IRF2: variants seen among roughly 807,000 people sequenced by gnomAD.
IRF2 encodes the protein interferon regulatory factor 2.
Under a neutral mutation model 40.6 loss-of-function variants are expected in IRF2, and 15 were observed. That is an observed-to-expected ratio of 0.37 (90% CI 0.25 to 0.57). IRF2 has a LOEUF of 0.57. Among genes scored for constraint, IRF2 ranks in the 20% least tolerant of loss-of-function variants. IRF2 has a pLI of 0.77. For synonymous variants in IRF2, 151 were observed against 165.5 expected (o/e 0.91, Z 0.67); for missense variants, 317 against 455.7 (o/e 0.70, Z 2.77).
intron 1 of IRF2, among the ~76,000 whole-genome samples, chr4:184,442,513 T>C (rs1174553727): frequency 6.6e-6 from 1 of 152,140 alleles, no homozygotes; most frequent in African/African-American, 2.4e-5. Flanking sequence ...CATAACCGAT[T>C]AACCTGAAGA....
intron 1 of IRF2, among the ~76,000 whole-genome samples, chr4:184,451,921 CA>C (rs1192044266): frequency 1.3e-5 from 2 of 152,212 alleles, no homozygotes; most frequent in African/African-American, 2.4e-5. Flanking sequence ...GATAAGTTAG[CA>C]GCTGTCTGGG....
At chr4:184,422,768 A>G (rs1737527793) in intron 2 of IRF2, among the ~76,000 whole-genome samples, 1 of 152,204 alleles carries the variant, frequency 6.6e-6, no homozygotes, top group Non-Finnish European at 1.5e-5. Context: ...AGATCCATAG[A>G]GACAGAGAGC....
intron 3 of IRF2, 61 bp from the exon 4 acceptor site, chr4:184,418,769 T>C: frequency 1.4e-6 from 2 of 1,422,658 alleles, no homozygotes; most frequent in Non-Finnish European, 1.9e-6. Flanking sequence ...AGGAAGGAAT[T>C]TCTGGAAACA....
At chr4:184,434,164 C>T (rs904825864) in intron 1 of IRF2, among the ~76,000 whole-genome samples, 3 of 152,192 alleles carry the variant, frequency 2.0e-5, no homozygotes, top group Admixed American at 6.5e-5. Flanking sequence ...ACGTGAACCT[C>T]GAACAGAGTT....
chr4:184,463,625 A>G (rs1252526709), intron 1 of IRF2, among the ~76,000 whole-genome samples: 1 of 152,104 alleles, frequency 6.6e-6, no homozygotes. Flanking sequence ...CTCACATTAT[A>G]TTTGTATTGG....
At chr4:184,462,700 G>A (rs1203780439) in intron 1 of IRF2, among the ~76,000 whole-genome samples, 1 of 152,168 alleles carries the variant, frequency 6.6e-6, no homozygotes, top group Non-Finnish European at 1.5e-5. Context: ...TAAAGGTCTG[G>A]ATACAAAGGA....
intron 1 of IRF2, among the ~76,000 whole-genome samples, chr4:184,435,449 A>G (rs1349705601): frequency 2.6e-5 from 4 of 152,214 alleles, no homozygotes; most frequent in Non-Finnish European, 5.9e-5. Flanking sequence ...GCTTCTGGTA[A>G]TGGTACAGTA....
chr4:184,415,363 T>C (rs1465398508), intron 5 of IRF2, among the ~76,000 whole-genome samples: 1 of 152,154 alleles, frequency 6.6e-6, no homozygotes, highest in African/African-American at 2.4e-5. Context: ...CCTAACGGGA[T>C]CTCTCACTTA....
intron 1 of IRF2, among the ~76,000 whole-genome samples, chr4:184,462,108 C>G (rs970854001): frequency 6.6e-6 from 1 of 152,214 alleles, no homozygotes; most frequent in Non-Finnish European, 1.5e-5. Flanking sequence ...ACCTTCAGGA[C>G]TATTATTTTA....
chr4:184,457,046 C>A (rs1738967596), intron 1 of IRF2, among the ~76,000 whole-genome samples: 1 of 152,206 alleles, frequency 6.6e-6, no homozygotes, highest in African/African-American at 2.4e-5. Flanking sequence ...GTAGCTGCGT[C>A]GGATGAAGAG....
chr4:184,439,454 T>G (rs976898746), intron 1 of IRF2, among the ~76,000 whole-genome samples: 2 of 151,956 alleles, frequency 1.3e-5, no homozygotes, highest in East Asian at 3.8e-4. Flanking sequence ...TGAAAATCAC[T>G]GTTATTTAGT....
At chr4:184,397,828 T>C (rs2149892747) in intron 7 of IRF2, among the ~76,000 whole-genome samples, 1 of 152,330 alleles carries the variant, frequency 6.6e-6, no homozygotes, top group East Asian at 1.9e-4. Context: ...TTACAATTGA[T>C]TTCCACAAAA....
At chr4:184,409,602 G>A (rs538628993) in intron 5 of IRF2, among the ~76,000 whole-genome samples, 2 of 152,248 alleles carry the variant, frequency 1.3e-5, no homozygotes, top group South Asian at 4.1e-4. Context: ...TAAGAAGTCT[G>A]CCTTTTCTTG....
chr4:184,431,790 T>C (rs1737889625), intron 1 of IRF2, among the ~76,000 whole-genome samples: 3 of 119,544 alleles, frequency 2.5e-5, no homozygotes, highest in African/African-American at 8.1e-5. Flanking sequence ...CGTGTGGAAG[T>C]GGCCCTGCCT....
chr4:184,401,519 G>A (rs558240058), intron 6 of IRF2, among the ~76,000 whole-genome samples: 1 of 152,276 alleles, frequency 6.6e-6, no homozygotes, highest in Non-Finnish European at 1.5e-5. Context: ...AGACTCCCAA[G>A]CCCATTTATT....
At chr4:184,429,103 G>A (rs1362032626) in intron 1 of IRF2, 33 bp from the exon 2 acceptor site, 5 of 1,542,848 alleles carry the variant, frequency 3.2e-6, no homozygotes, top group East Asian at 2.2e-5. Context: ...TCAGGCGTTG[G>A]TGCCACTCAG....
chr4:184,408,283 GAAGAA>G lies in IRF2; in HGVS notation c.412-13_412-9del, dbSNP rs1561091408. 1 of 1,529,264 alleles carries G rather than the reference GAAGAA, an allele frequency of 6.5e-7. No homozygotes were observed. 94.7% of individuals were successfully genotyped at this position (1,529,264 alleles called of 1,614,324 possible). A position where few individuals can be genotyped will look rare whatever the true frequency, so the allele number is the denominator to read the frequency against. ...TGACTCAACTGGTTCTTGCTAGGAA[GAAGAA>G]AAGAAAAAAGAATTGAGAACACTTC... On this transcript the variant is annotated splice_polypyrimidine_tract_variant and intron_variant, in intron 5 of 8. Coordinates refer to ENST00000393593, the MANE Select transcript of IRF2 (RefSeq NM_002199.4). The surrounding 1 kb of genome is among the most constrained non-coding windows in gnomAD (Gnocchi z 4.9).
chr4:184,470,219 T>C (rs1739466821), intron 1 of IRF2, among the ~76,000 whole-genome samples: 3 of 152,206 alleles, frequency 2.0e-5, no homozygotes, highest in Non-Finnish European at 4.4e-5. Flanking sequence ...AGAACTAATT[T>C]TTACTAATAA....
Position 184,391,157 on chromosome 4 carries a change from A to C in IRF2, c.695-408T>G, listed in dbSNP as rs575074609. 5.7e-4 allele frequency among the ~76,000 whole-genome samples: 87 copies of C among 151,918 alleles called. 1 individual carries two copies. The highest frequency in any genetic ancestry group is 9.3e-4 in the Non-Finnish European group (63 of 67,960). On this transcript the variant is annotated intron_variant, in intron 7 of 8. Coordinates refer to ENST00000393593, the MANE Select transcript of IRF2 (RefSeq NM_002199.4). ...GGTCTTCCTACATTATCCCCATCCC[A>C]CTCAGATCCTTCCTTTACCTCTCAC...
Sources: allele counts gnomAD v4.1 joint callset (sites outside exome capture counted in the v4.1 genomes callset), GRCh38; gene constraint gnomAD v4.1.1; non-coding constraint Gnocchi (gnomAD v3.1); transcripts MANE v1.5; gene names NCBI Gene and HGNC (gene_info 2026-07-23, HGNC 2026-07-21).